The following DENND2A variants were observed in gnomAD, a reference collection of about 807,000 sequenced individuals.
DENND2A encodes DENN domain containing 2A, also known as DENN domain-containing protein 2A.
Under a neutral mutation model 105.3 loss-of-function variants are expected in DENND2A, and 53 were observed. That is an observed-to-expected ratio of 0.50 (90% CI 0.40 to 0.63). The LOEUF (loss-of-function observed/expected upper bound fraction) is 0.63. DENND2A is among the 30% of genes least tolerant of loss of function. DENND2A has a pLI of 0.00. For missense variants in DENND2A, 1,138 were observed against 1,279.6 expected, an observed-to-expected ratio of 0.89 and a Z score of 1.69; for synonymous variants, 522 against 508.4, an observed-to-expected ratio of 1.03 and a Z score of -0.36.
At chr7:140,581,724 G>A (rs1423098288) in intron 5 of DENND2A, among the ~76,000 whole-genome samples, 2 of 152,204 alleles carry the variant, frequency 1.3e-5, no homozygotes, top group African/African-American at 2.4e-5. Flanking sequence ...GCAAGGATCC[G>A]TGGCAATCAG....
At chr7:140,617,249 T>C (rs1268485044) in intron 1 of DENND2A, among the ~76,000 whole-genome samples, 1 of 152,206 alleles carries the variant, frequency 6.6e-6, no homozygotes, top group Admixed American at 6.5e-5. Flanking sequence ...TGCGTGCACC[T>C]TTTCCTGGAA....
At position 140,567,306 on chromosome 7, in the gene DENND2A, GA is replaced by G. The variant is rs781118595; in HGVS notation, c.1592-34del. On this transcript the variant is annotated intron_variant, in intron 8 of 19. Coordinates refer to ENST00000496613, the MANE Select transcript of DENND2A (RefSeq NM_015689.5). ...AGGGAGGGAGAGAGAAAGAGAGAAA[GA>G]GAGAGAGAGAGAGAGAGAGAGAGAG... is the stretch of plus-strand genomic sequence containing the variant. 840 of 466,588 alleles carry G rather than the reference GA, an allele frequency of 1.8e-3. 13 individuals are homozygous for G. The African/African-American group carries it at 0.023, about 13-fold the overall frequency. 28.9% of individuals were successfully genotyped at this position (466,588 alleles called of 1,614,324 possible).
intron 1 of DENND2A, among the ~76,000 whole-genome samples, chr7:140,610,433 G>C (rs1320785269): frequency 6.6e-6 from 1 of 151,782 alleles, no homozygotes; most frequent in African/African-American, 2.4e-5. Context: ...TTAATTTTGA[G>C]AGAGAGAGAG....
At chr7:140,521,384 C>T (rs1243340897) in intron 18 of DENND2A, among the ~76,000 whole-genome samples, 1 of 152,100 alleles carries the variant, frequency 6.6e-6, no homozygotes, top group African/African-American at 2.4e-5. Context: ...AGTGATCCTC[C>T]CACCTCAGTC....
At chr7:140,594,416 C>A (rs992880917) in intron 3 of DENND2A, among the ~76,000 whole-genome samples, 1 of 152,148 alleles carries the variant, frequency 6.6e-6, no homozygotes, top group African/African-American at 2.4e-5. Flanking sequence ...AGGGCTTTCA[C>A]CTATTAGTTC....
intron 1 of DENND2A, among the ~76,000 whole-genome samples, chr7:140,637,896 C>T (rs1299756295): frequency 6.6e-6 from 1 of 152,140 alleles, no homozygotes; most frequent in Non-Finnish European, 1.5e-5. Flanking sequence ...GGTGTCAGCT[C>T]TTCCTGCACT....
At chr7:140,553,510 T>A (rs1488833734) in intron 12 of DENND2A, among the ~76,000 whole-genome samples, 1 of 152,180 alleles carries the variant, frequency 6.6e-6, no homozygotes, top group Non-Finnish European at 1.5e-5. Context: ...CTAATGCTCC[T>A]CAGCACAGAC....
At chr7:140,609,476 G>GTACTC (rs1799814441) in intron 1 of DENND2A, among the ~76,000 whole-genome samples, 1 of 152,152 alleles carries the variant, frequency 6.6e-6, no homozygotes, top group Non-Finnish European at 1.5e-5. Context: ...TCGCCCCACT[G>GTACTC]TACTCCAGCC....
At chr7:140,563,386 C>G (rs1214474328) in intron 9 of DENND2A, among the ~76,000 whole-genome samples, 1 of 152,084 alleles carries the variant, frequency 6.6e-6, no homozygotes, top group Non-Finnish European at 1.5e-5. Context: ...AAATTTCCCA[C>G]AAATACAACT....
At chr7:140,617,202 A>G (rs1280652339) in intron 1 of DENND2A, among the ~76,000 whole-genome samples, 8 of 152,224 alleles carry the variant, frequency 5.3e-5, no homozygotes, top group Non-Finnish European at 8.8e-5. Context: ...GTTTCAGAGC[A>G]TCTTGGGAAT....
intron 1 of DENND2A, among the ~76,000 whole-genome samples, chr7:140,608,135 G>C (rs1331648827): frequency 3.9e-5 from 6 of 152,180 alleles, no homozygotes; most frequent in Admixed American, 3.9e-4. Context: ...TAAATGACAT[G>C]ATACTTAAGT....
At chr7:140,542,111 C>T (rs1299114785) in intron 14 of DENND2A, among the ~76,000 whole-genome samples, 2 of 152,110 alleles carry the variant, frequency 1.3e-5, no homozygotes. Context: ...GCCTCATCTG[C>T]ACCACCCGGT....
intron 9 of DENND2A, among the ~76,000 whole-genome samples, chr7:140,562,624 A>C (rs1681794): frequency 6.6e-6 from 1 of 151,564 alleles, no homozygotes; most frequent in South Asian, 2.1e-4. Flanking sequence ...ATCATGCCGC[A>C]GCACTCCAGC....
At chr7:140,638,074 A>AT (rs146457792) in intron 1 of DENND2A, among the ~76,000 whole-genome samples, 2,324 of 150,810 alleles carry the variant, frequency 0.015, 43 homozygotes, top group African/African-American at 0.053. Context: ...AGCAACGAAG[A>AT]TTTTTTTTTT....
rs1439142418 is a variant in DENND2A at position 140,616,088 on chromosome 7, C to T, written c.-247-10282G>A. On this transcript the variant is annotated intron_variant, in intron 1 of 19. Coordinates refer to ENST00000496613, the MANE Select transcript of DENND2A (RefSeq NM_015689.5). ...AATTTCAGAATAGGCCAATCCTGGC[C>T]GGGCGTGGTGGCTCATGCCTGTAAT... Among the ~76,000 whole-genome samples the T allele has an allele frequency of 3.9e-5, 6 of 151,922 alleles. No homozygotes were observed. The East Asian group carries it at 7.7e-4, about 20-fold the overall frequency.
chr7:140,585,424 A>G (rs73498495), intron 5 of DENND2A, among the ~76,000 whole-genome samples, 165 bp downstream of exon 5: 6,908 of 152,248 alleles, frequency 0.045, 506 homozygotes, highest in African/African-American at 0.15. Flanking sequence ...GGGCTCCAAG[A>G]GAACTAGAGG....
chr7:140,597,483 G>A (rs1055473498), intron 3 of DENND2A, among the ~76,000 whole-genome samples: 2 of 152,086 alleles, frequency 1.3e-5, no homozygotes, highest in Non-Finnish European at 2.9e-5. Context: ...CACCTCCATT[G>A]TACTATTTTA....
chr7:140,549,095 T>G (rs1177321256), intron 12 of DENND2A, among the ~76,000 whole-genome samples: 1 of 151,562 alleles, frequency 6.6e-6, no homozygotes, highest in Non-Finnish European at 1.5e-5. Flanking sequence ...CAGGCTATAT[T>G]CCCAGATATA....
At chr7:140,634,853 T>C (rs1800862110) in intron 1 of DENND2A, among the ~76,000 whole-genome samples, 1 of 151,712 alleles carries the variant, frequency 6.6e-6, no homozygotes, top group South Asian at 2.1e-4. Flanking sequence ...GTGCAGCTAC[T>C]TGGGAAGCTG....
Sources: gnomAD v4.1 joint callset for allele counts (sites outside exome capture counted in the v4.1 genomes callset) on GRCh38, gnomAD v4.1.1 for gene constraint, MANE v1.5 for transcripts, NCBI Gene and HGNC (gene_info 2026-07-23, HGNC 2026-07-21) for gene names.